The following AKAP13 variants were observed in gnomAD, a reference collection of about 807,000 sequenced individuals.
AKAP13 encodes the protein A-kinase anchoring protein 13, also known as A-kinase anchor protein 13.
A neutral mutation model predicts 264.5 loss-of-function variants in AKAP13; 80 were observed. That is an observed-to-expected ratio of 0.30 (90% confidence interval 0.25 to 0.36). The LOEUF (loss-of-function observed/expected upper bound fraction) is 0.36. Among genes scored for constraint, AKAP13 ranks in the 10% least tolerant of loss-of-function variants. The probability of loss-of-function intolerance (pLI) is 1.00; values close to 1 mark genes in which losing one functional copy is unlikely to be tolerated. For missense variants in AKAP13, 3,712 were observed against 3,435.2 expected (o/e 1.08, Z -2.01); for synonymous variants, 1,380 against 1,250.2 (o/e 1.10, Z -2.19).
intron 1 of AKAP13, among the ~76,000 whole-genome samples, chr15:85,455,019 G>T (rs1427762944): frequency 6.6e-6 from 1 of 152,162 alleles, no homozygotes; most frequent in African/African-American, 2.4e-5. Context: ...GGGAGTTTCA[G>T]TGAAGGACCT....
intron 1 of AKAP13, among the ~76,000 whole-genome samples, chr15:85,420,333 G>T (rs1450324234): frequency 6.6e-6 from 1 of 152,064 alleles, no homozygotes; most frequent in Admixed American, 6.6e-5. Flanking sequence ...TGTCTGCTGA[G>T]CTGCAAAACA....
rs545347637 is a variant in AKAP13, at chr15:85,579,360, G to T, written c.1292G>T (p.Gly431Val). The T allele has an allele frequency of 6.2e-7, 1 of 1,614,186 alleles. No individual in the cohort carries two copies. The highest frequency in any genetic ancestry group is 1.3e-5 in the African/African-American group (1 of 75,032). ...GAAGAAACTGGAACAAAATCTTCTG[G>T]AATGCCCACAGACCAGGAGTCCCTG... ...RNEETGTKSSGMPTDQESLSS... is the reference protein window; with the variant it reads ...RNEETGTKSSVMPTDQESLSS... The change falls in exon 7 of 37, where the codon GGA becomes GTA. Residue 431 changes from glycine (G) to valine (V), a missense_variant. Gly to Val is a moderately radical substitution (Grantham distance 109, BLOSUM62 -3). This residue lies in a region of AKAP13 where 2,759 missense variants were observed against 2,411.7 expected (regional missense o/e 1.14). Coordinates refer to ENST00000394518, the MANE Select transcript of AKAP13 (RefSeq NM_007200.5).
chr15:85,714,819 T>C (rs2086830191), intron 19 of AKAP13, among the ~76,000 whole-genome samples: 1 of 151,868 alleles, frequency 6.6e-6, no homozygotes. Flanking sequence ...ATACAAAAAT[T>C]AGCCAGGCAT....
At chr15:85,710,440 G>C (rs1387330535) in intron 18 of AKAP13, 139 bp from the exon 19 acceptor site, 3 of 673,148 alleles carry the variant, frequency 4.5e-6, no homozygotes, top group Admixed American at 3.2e-5. Context: ...GGGGGCGACC[G>C]TGGCTGGGAC....
intron 1 of AKAP13, among the ~76,000 whole-genome samples, chr15:85,418,037 A>G (rs2072322930): frequency 6.7e-6 from 1 of 149,130 alleles, no homozygotes; most frequent in Non-Finnish European, 1.5e-5. Context: ...TTTTTGTACC[A>G]TCTTCATTAT....
At chr15:85,485,870 G>A (rs1304403348) in intron 2 of AKAP13, 117 bp downstream of exon 2, 8 of 815,010 alleles carry the variant, frequency 9.8e-6, no homozygotes, top group African/African-American at 3.4e-5. Flanking sequence ...ATATGTCCAT[G>A]AATATATTGG....
chr15:85,445,907 C>G (rs372699553), intron 1 of AKAP13, among the ~76,000 whole-genome samples: 3 of 152,228 alleles, frequency 2.0e-5, no homozygotes, highest in East Asian at 1.9e-4. Flanking sequence ...ACAATGTGTA[C>G]TGATCAAATC....
intron 1 of AKAP13, among the ~76,000 whole-genome samples, chr15:85,411,570 T>G (rs542704126): frequency 3.3e-4 from 50 of 152,258 alleles, no homozygotes; most frequent in African/African-American, 1.2e-3. Context: ...CCTGAGTAGC[T>G]GGGACTACAG....
At chr15:85,739,751 AC>A (rs1263332299) in intron 33 of AKAP13, among the ~76,000 whole-genome samples, 1 of 152,110 alleles carries the variant, frequency 6.6e-6, no homozygotes, top group East Asian at 1.9e-4. Flanking sequence ...TTTGCCTTTA[AC>A]ATTTTCAGAT....
intron 2 of AKAP13, among the ~76,000 whole-genome samples, chr15:85,487,565 T>A (rs758224809): frequency 2.0e-5 from 3 of 152,228 alleles, no homozygotes; most frequent in Non-Finnish European, 4.4e-5. Flanking sequence ...CTCAATTAAA[T>A]AGTTTTTATT....
In AKAP13 at chr15:85,735,141, G is replaced by T; in HGVS notation, c.7432G>T (p.Ala2478Ser). Residue 2478 changes from alanine (A) to serine (S), a missense_variant, in exon 31 of 37, where the codon GCT becomes TCT. Physicochemically the swap from Ala to Ser is moderately conservative, Grantham distance 99 (BLOSUM62 1). Around this residue, in one of 3 missense-constraint regions of AKAP13, gnomAD observed 611 missense variants for 539.3 expected, o/e 1.13. Coordinates refer to ENST00000394518, the MANE Select transcript of AKAP13 (RefSeq NM_007200.5). ...FGGFDSHQMN[A>S]SKGGEKEEGD... ...AGGATTTGACAGCCATCAGATGAAT[G>T]CTTCAAAAGGTAAATGATGTGAAGT... 1 of 1,613,526 alleles carries T rather than the reference G, an allele frequency of 6.2e-7. No individual in the cohort carries two copies. Among genetic ancestry groups the T allele is most frequent in the South Asian group, 1.1e-5 (1 of 90,982 alleles).
At chr15:85,536,582 CACTG>C (rs1230791309) in intron 4 of AKAP13, 1 of 152,216 alleles carries the variant, frequency 6.6e-6, no homozygotes, top group Non-Finnish European at 1.5e-5. Flanking sequence ...AGATTTCCCT[CACTG>C]AGTGAATACA....
intron 8 of AKAP13, among the ~76,000 whole-genome samples, chr15:85,614,595 T>C (rs530577314): frequency 1.1e-4 from 16 of 152,366 alleles, no homozygotes; most frequent in African/African-American, 3.1e-4. Context: ...GTAGGGATAT[T>C]GATTATGAGT....
intron 14 of AKAP13, among the ~76,000 whole-genome samples, chr15:85,671,604 A>G (rs765392965): frequency 6.6e-6 from 1 of 151,220 alleles, no homozygotes; most frequent in Non-Finnish European, 1.5e-5. Flanking sequence ...CAGAACTGTG[A>G]CAGAAATAGC....
intron 18 of AKAP13, among the ~76,000 whole-genome samples, chr15:85,710,278 G>A (rs1415424283): frequency 6.6e-6 from 1 of 152,178 alleles, no homozygotes; most frequent in Non-Finnish European, 1.5e-5. Context: ...GAGGAGAGGA[G>A]AGAAGCTATA....
chr15:85,660,143 G>A (rs1048848860), intron 12 of AKAP13, among the ~76,000 whole-genome samples: 3 of 151,866 alleles, frequency 2.0e-5, no homozygotes, highest in South Asian at 2.1e-4. Context: ...GCGTGAGCCC[G>A]GGAATTTGAG....
intron 8 of AKAP13, among the ~76,000 whole-genome samples, chr15:85,601,289 A>G (rs2080057036): frequency 6.6e-6 from 1 of 152,246 alleles, no homozygotes; most frequent in Non-Finnish European, 1.5e-5. Flanking sequence ...TCATTAGCAC[A>G]TAGGTCATCA....
chr15:85,608,963 T>G (rs2080475859), intron 8 of AKAP13, among the ~76,000 whole-genome samples: 1 of 152,182 alleles, frequency 6.6e-6, no homozygotes, highest in Non-Finnish European at 1.5e-5. Context: ...CTTAAACTCT[T>G]TAGCATAACA....
chr15:85,528,930 A>G (rs914769692), intron 3 of AKAP13, among the ~76,000 whole-genome samples: 1 of 152,160 alleles, frequency 6.6e-6, no homozygotes, highest in Non-Finnish European at 1.5e-5. Flanking sequence ...TTAAAAAAAG[A>G]TTGGGATTTT....
Sources: allele counts gnomAD v4.1 joint callset (sites outside exome capture counted in the v4.1 genomes callset), GRCh38; gene constraint gnomAD v4.1.1; regional missense constraint gnomAD v4.1.1; transcripts MANE v1.5; gene names NCBI Gene and HGNC (gene_info 2026-07-23, HGNC 2026-07-21).